Variants in UBR3 observed in about 807,000 individuals in gnomAD.
UBR3 encodes the protein ubiquitin protein ligase E3 component n-recognin 3, also known as E3 ubiquitin-protein ligase UBR3.
In UBR3, 85 loss-of-function variants were observed where a neutral mutation model predicts 243.2. The ratio of observed to expected loss-of-function variants is 0.35; its 90% confidence interval spans 0.29 to 0.42. The LOEUF is 0.42. UBR3 is among the 10% of genes least tolerant of loss of function. UBR3 has a pLI of 1.00. For missense variants in UBR3, 1,686 were observed against 2,300.8 expected (o/e 0.73, Z 5.47); for synonymous variants, 748 against 799.8 (o/e 0.94, Z 1.09).
chr2:169,923,183 T>C (rs1488896346), intron 11 of UBR3, among the ~76,000 whole-genome samples: 2 of 152,192 alleles, frequency 1.3e-5, no homozygotes, highest in Non-Finnish European at 2.9e-5. Flanking sequence ...ACATATTTTT[T>C]ATGAAGTTTT....
intron 21 of UBR3, 168 bp from the exon 22 acceptor site, chr2:169,947,374 A>T: frequency 2.1e-6 from 1 of 468,886 alleles, no homozygotes. Flanking sequence ...TTTTTGTTTG[A>T]ATTTGGTTTT....
At chr2:170,029,885 T>C (rs1389745506) in intron 31 of UBR3, among the ~76,000 whole-genome samples, 2 of 152,072 alleles carry the variant, frequency 1.3e-5, no homozygotes, top group African/African-American at 4.8e-5. Flanking sequence ...TTTAAAAAAA[T>C]GCTTTCTTCT....
intron 1 of UBR3, among the ~76,000 whole-genome samples, chr2:169,840,528 GGTGACTAT>G (rs1338689363): frequency 6.6e-6 from 1 of 152,168 alleles, no homozygotes; most frequent in African/African-American, 2.4e-5. Context: ...GTTGCAGGTT[GGTGACTAT>G]GTGACTATGG....
chr2:169,857,503 G>A (rs1346742105), intron 1 of UBR3, among the ~76,000 whole-genome samples: 2 of 151,452 alleles, frequency 1.3e-5, no homozygotes, highest in African/African-American at 2.4e-5. Flanking sequence ...TGCAACATCC[G>A]CCTCCCAAGT....
chr2:169,972,765 CAAAAT>C (rs2088224266), intron 24 of UBR3, among the ~76,000 whole-genome samples: 1 of 151,768 alleles, frequency 6.6e-6, no homozygotes, highest in Admixed American at 6.6e-5. Context: ...GGACGTATCT[CAAAAT>C]AATAAGAAAT....
At chr2:170,043,175 G>A (rs935857278) in intron 32 of UBR3, among the ~76,000 whole-genome samples, 4 of 152,090 alleles carry the variant, frequency 2.6e-5, no homozygotes, top group Non-Finnish European at 5.9e-5. Flanking sequence ...AAAGGTAAAA[G>A]AGAAGGAAAC....
At chr2:169,945,597 G>A (rs1270330246) in intron 20 of UBR3, among the ~76,000 whole-genome samples, 1 of 152,154 alleles carries the variant, frequency 6.6e-6, no homozygotes, top group African/African-American at 2.4e-5. Context: ...CATTTGGCCA[G>A]ATGACTTTTA....
At chr2:170,050,821 C>T (rs900210631) in intron 32 of UBR3, among the ~76,000 whole-genome samples, 1 of 152,170 alleles carries the variant, frequency 6.6e-6, no homozygotes, top group African/African-American at 2.4e-5. Context: ...AAATAAACAT[C>T]TGTTAAATGA....
chr2:170,023,718 G>A (rs1042467790), intron 30 of UBR3, among the ~76,000 whole-genome samples: 7 of 151,832 alleles, frequency 4.6e-5, no homozygotes, highest in East Asian at 1.9e-4. Flanking sequence ...TCAGCCTCCC[G>A]AGTAGCTGGG....
At chr2:169,837,046 TA>T (rs1032675877) in intron 1 of UBR3, among the ~76,000 whole-genome samples, 19 of 152,214 alleles carry the variant, frequency 1.2e-4, no homozygotes, top group African/African-American at 4.3e-4. Context: ...CACCTTGGTT[TA>T]AAAAAATGCT....
intron 1 of UBR3, among the ~76,000 whole-genome samples, chr2:169,871,609 G>A (rs1334419789): frequency 1.3e-5 from 2 of 151,670 alleles, no homozygotes; most frequent in Non-Finnish European, 2.9e-5. Context: ...ATTAGCTGGT[G>A]TGGTGGTGCA....
At chr2:169,852,352 G>A (rs2082684998) in intron 1 of UBR3, among the ~76,000 whole-genome samples, 1 of 152,128 alleles carries the variant, frequency 6.6e-6, no homozygotes, top group Admixed American at 6.5e-5. Flanking sequence ...CATGCTTTTG[G>A]ATCCTTTTGG....
At position 170,083,827 on chromosome 2, in the gene UBR3, A is replaced by T. The variant is rs1454052759; in HGVS notation, c.*1984A>T. 6.6e-6 allele frequency: 1 copy of T among 152,612 alleles called. No individual in the cohort carries two copies. Among genetic ancestry groups the T allele is most frequent in the Non-Finnish European group, 1.5e-5 (1 of 67,998 alleles). 9.5% of individuals were successfully genotyped at this position (152,612 alleles called of 1,614,324 possible). ...AAAAAAGCACTTGGTTGAAAATTGT[A>T]CTTGAATACATACATGCATGCTGCT... On this transcript the variant is annotated 3_prime_UTR_variant, in exon 39 of 39. Transcript: ENST00000272793.
At chr2:169,890,536 G>GATATATATATATATACATATAT (rs1396382870) in intron 5 of UBR3, among the ~76,000 whole-genome samples, 1 of 53,656 alleles carries the variant, frequency 1.9e-5, no homozygotes, top group Non-Finnish European at 3.4e-5. Flanking sequence ...GAGAGAGAGA[G>GATATATATATATATACATATAT]AGAGATATAT....
intron 26 of UBR3, 92 bp downstream of exon 26, chr2:169,994,548 C>T: frequency 7.1e-7 from 1 of 1,409,728 alleles, no homozygotes. Context: ...AAATGGCATT[C>T]TGATGTTAAA....
chr2:169,913,429 A>G (rs932253142), intron 10 of UBR3, among the ~76,000 whole-genome samples: 2 of 148,132 alleles, frequency 1.4e-5, no homozygotes, highest in African/African-American at 5.0e-5. Flanking sequence ...GAACTCGCCT[A>G]TTTTGGTGGA....
At chr2:170,021,130 G>GT (rs1281733497) in intron 30 of UBR3, among the ~76,000 whole-genome samples, 1 of 152,090 alleles carries the variant, frequency 6.6e-6, no homozygotes, top group Non-Finnish European at 1.5e-5. Context: ...GAGGATTGTT[G>GT]TAAGAATTCA....
chr2:169,869,382 T>C (rs925148924), intron 1 of UBR3, among the ~76,000 whole-genome samples: 1 of 151,802 alleles, frequency 6.6e-6, no homozygotes, highest in Non-Finnish European at 1.5e-5. Flanking sequence ...CCACCATGCC[T>C]GGCTAATGTT....
At chr2:169,837,953 A>T (rs995211635) in intron 1 of UBR3, among the ~76,000 whole-genome samples, 1 of 152,204 alleles carries the variant, frequency 6.6e-6, no homozygotes, top group Non-Finnish European at 1.5e-5. Flanking sequence ...TTGTATTGAT[A>T]TGTCTCTTAT....
Sources: allele counts gnomAD v4.1 joint callset (sites outside exome capture counted in the v4.1 genomes callset), GRCh38; gene constraint gnomAD v4.1.1; transcripts MANE v1.5; gene names NCBI Gene and HGNC (gene_info 2026-07-23, HGNC 2026-07-21).